The following MAST4 variants were observed in gnomAD, a reference collection of about 807,000 sequenced individuals.
The protein encoded by MAST4 is microtubule-associated serine/threonine-protein kinase 4.
Under a neutral mutation model 162.7 loss-of-function variants are expected in MAST4, and 89 were observed. That is an observed-to-expected ratio of 0.55 (90% CI 0.46 to 0.65). The LOEUF (loss-of-function observed/expected upper bound fraction) is 0.65, where lower values mean the gene tolerates loss of function less well. Among genes scored for constraint, MAST4 ranks in the 30% least tolerant of loss-of-function variants. The probability of loss-of-function intolerance (pLI) is 0.00; values close to 1 mark genes in which losing one functional copy is unlikely to be tolerated. For missense variants in MAST4, 3,153 were observed against 3,374.0 expected, an observed-to-expected ratio of 0.93 and a Z score of 1.62; for synonymous variants, 1,479 against 1,361.1, an observed-to-expected ratio of 1.09 and a Z score of -1.91.
At chr5:67,038,810 G>A (rs1756361533) in intron 4 of MAST4, among the ~76,000 whole-genome samples, 1 of 152,066 alleles carries the variant, frequency 6.6e-6, no homozygotes, top group Admixed American at 6.6e-5. Flanking sequence ...TGTCCAGGAG[G>A]CAAGCTAATA....
Position 66,620,564 on chromosome 5 carries a change from G to T in MAST4, c.363+23546G>T, listed in dbSNP as rs1346500629. Among the ~76,000 whole-genome samples the T allele has an allele frequency of 3.3e-5, 5 of 152,078 alleles. No homozygotes were observed. The East Asian group carries it at 9.6e-4, about 29-fold the overall frequency. On this transcript the variant is annotated intron_variant, in intron 1 of 28. Transcript: ENST00000403625. ...AAACAAAACAATATGTGACATTTCT[G>T]TAGAAATGCTGTAATAGAGAAAAAT... is the stretch of plus-strand genomic sequence containing the variant.
intron 4 of MAST4, 65 bp downstream of exon 4, chr5:66,900,047 T>A: frequency 3.6e-6 from 4 of 1,118,828 alleles, no homozygotes; most frequent in Non-Finnish European, 4.9e-6. Flanking sequence ...GTATGATTCT[T>A]CTCTGATTCA....
intron 1 of MAST4, among the ~76,000 whole-genome samples, chr5:66,599,686 A>G (rs987353138): frequency 2.0e-5 from 3 of 152,218 alleles, no homozygotes; most frequent in African/African-American, 7.2e-5. Flanking sequence ...ACCTACTGTC[A>G]GAGAATCGGA....
At chr5:66,732,476 G>A (rs1412897155) in intron 1 of MAST4, among the ~76,000 whole-genome samples, 1 of 152,156 alleles carries the variant, frequency 6.6e-6, no homozygotes, top group Non-Finnish European at 1.5e-5. Context: ...GCTGCATCTT[G>A]TGTGTTCCTC....
chr5:66,819,609 T>C (rs2149729624), intron 3 of MAST4, among the ~76,000 whole-genome samples: 1 of 152,306 alleles, frequency 6.6e-6, no homozygotes, highest in East Asian at 1.9e-4. Context: ...TGTATGTCTT[T>C]GGTCAATCAT....
intron 15 of MAST4, 114 bp downstream of exon 15, chr5:67,130,532 C>T: frequency 9.9e-7 from 1 of 1,012,574 alleles, no homozygotes; most frequent in Non-Finnish European, 1.4e-6. Context: ...GGAACTGAAG[C>T]CAGGCAATGA....
At chr5:66,696,108 A>G (rs35886726) in intron 1 of MAST4, among the ~76,000 whole-genome samples, 19,841 of 152,072 alleles carry the variant, frequency 0.13, 1,511 homozygotes, top group East Asian at 0.26. Flanking sequence ...GGAACAGAAA[A>G]CCAAACACTG....
chr5:66,603,118 G>T (rs1221668754), intron 1 of MAST4, among the ~76,000 whole-genome samples: 1 of 152,170 alleles, frequency 6.6e-6, no homozygotes, highest in African/African-American at 2.4e-5. Context: ...TTGCCTGATG[G>T]ATTATGCTTC....
chr5:67,008,599 C>G (rs1310967260), intron 4 of MAST4, among the ~76,000 whole-genome samples: 2 of 152,292 alleles, frequency 1.3e-5, no homozygotes, highest in East Asian at 3.9e-4. Flanking sequence ...GTCATGTTTT[C>G]ATTTTGCTTA....
intron 12 of MAST4, among the ~76,000 whole-genome samples, chr5:67,116,235 T>A (rs1329192540): frequency 6.6e-6 from 1 of 152,066 alleles, no homozygotes; most frequent in Non-Finnish European, 1.5e-5. Context: ...AGATGAAGAC[T>A]TGCTTCGTTG....
At position 67,164,183 on chromosome 5, in the gene MAST4, C is replaced by T. The variant is rs775485688; in HGVS notation, c.5004C>T (p.Ser1668=). ...AGGGGGAAGGCACGGAGAAGTCCTC[C>T]CAGGCCAAGGAGCTTCTCCGATGTG... is the stretch of plus-strand genomic sequence containing the variant. ...SGKGEGTEKS[S]QAKELLRCEK... Residue 1668 remains serine (S), a synonymous_variant, in exon 29 of 29, where the codon TCC becomes TCT. Transcript: ENST00000403625. This position sits in a 1 kb window ranked among gnomAD's most constrained non-coding sequence, Gnocchi z 5.3. 1 of 1,611,680 alleles carries T rather than the reference C, an allele frequency of 6.2e-7. No homozygotes were observed. The highest frequency in any genetic ancestry group is 1.1e-5 in the South Asian group (1 of 90,460).
At chr5:66,904,334 C>T (rs937758863) in intron 4 of MAST4, among the ~76,000 whole-genome samples, 2 of 152,068 alleles carry the variant, frequency 1.3e-5, no homozygotes, top group Non-Finnish European at 2.9e-5. Flanking sequence ...CTTCTTTTTT[C>T]ATGGAATTCC....
rs374181921 is a variant in MAST4 at position 66,936,054 on chromosome 5, C to T, written c.674+36072C>T. Among the ~76,000 whole-genome samples the T allele has an allele frequency of 1.6e-4, 25 of 152,264 alleles. 1 individual carries two copies. Among genetic ancestry groups the T allele is most frequent in the African/African-American group, 6.0e-4 (25 of 41,550 alleles). On this transcript the variant is annotated intron_variant, in intron 4 of 28. Transcript: ENST00000403625. ...GCCCAGAATGATTATTTAGCCTGTC[C>T]AGGGTCTCAAAGCTAGTAACTGACA... is the stretch of plus-strand genomic sequence containing the variant.
intron 14 of MAST4, among the ~76,000 whole-genome samples, chr5:67,122,218 A>G (rs1466860402): frequency 6.6e-6 from 1 of 152,206 alleles, no homozygotes; most frequent in Non-Finnish European, 1.5e-5. Context: ...GCAATAAACA[A>G]TCTCATTCAC....
chr5:66,821,859 A>C (rs1053633728), intron 3 of MAST4, among the ~76,000 whole-genome samples: 13 of 152,100 alleles, frequency 8.5e-5, no homozygotes, highest in African/African-American at 2.9e-4. Context: ...TGTGAAGCAG[A>C]TGCTTGGTGA....
At chr5:66,912,329 G>A (rs16895938) in intron 4 of MAST4, among the ~76,000 whole-genome samples, 4,998 of 152,248 alleles carry the variant, frequency 0.033, 153 homozygotes, top group African/African-American at 0.076. Flanking sequence ...CAGGGGGTTT[G>A]TATTTAAGCA....
intron 25 of MAST4, 42 bp downstream of exon 25, chr5:67,152,908 G>A (rs1772017857): frequency 4.5e-6 from 7 of 1,540,926 alleles, no homozygotes; most frequent in Non-Finnish European, 6.3e-6. Context: ...TTCATTTCCA[G>A]CCAAGCTGGA....
chr5:66,729,606 A>C (rs1375957294), intron 1 of MAST4, among the ~76,000 whole-genome samples: 2 of 152,132 alleles, frequency 1.3e-5, no homozygotes, highest in Admixed American at 6.6e-5. Flanking sequence ...TCTTATTCTA[A>C]GTCTGCTTTA....
chr5:66,837,908 T>A (rs1339898148), intron 3 of MAST4, among the ~76,000 whole-genome samples: 2,766 of 97,944 alleles, frequency 0.028, 29 homozygotes, highest in Non-Finnish European at 0.046. Flanking sequence ...TTTTTTTTTT[T>A]TTTTTTTTTA....
Sources: gnomAD v4.1 joint callset for allele counts (sites outside exome capture counted in the v4.1 genomes callset) on GRCh38, gnomAD v4.1.1 for gene constraint, Gnocchi (gnomAD v3.1) non-coding constraint, MANE v1.5 for transcripts, NCBI Gene and HGNC (gene_info 2026-07-23, HGNC 2026-07-21) for gene names.